The following NCLN variants were observed in gnomAD, a reference collection of about 807,000 sequenced individuals.
NCLN encodes BOS complex subunit NCLN.
In NCLN, 34 loss-of-function variants were observed where a neutral mutation model predicts 69.5. That is an observed-to-expected ratio of 0.49 (90% CI 0.37 to 0.65). The LOEUF (loss-of-function observed/expected upper bound fraction) is 0.65. NCLN is among the 30% of genes least tolerant of loss of function. The pLI is 0.00. For synonymous variants in NCLN, 393 were observed against 358.3 expected, an observed-to-expected ratio of 1.10 and a Z score of -1.09; for missense variants, 710 against 804.8, an observed-to-expected ratio of 0.88 and a Z score of 1.42.
intron 4 of NCLN, among the ~76,000 whole-genome samples, chr19:3,198,022 A>C (rs1224942620): frequency 6.6e-6 from 1 of 152,230 alleles, no homozygotes; most frequent in Non-Finnish European, 1.5e-5. Flanking sequence ...CCCAAGGCTG[A>C]AAATATCCCC....
At chr19:3,187,740 A>G (rs567260663) in intron 1 of NCLN, among the ~76,000 whole-genome samples, 14 of 152,232 alleles carry the variant, frequency 9.2e-5, no homozygotes, top group African/African-American at 3.4e-4. Context: ...ATCCGGCCCT[A>G]ATGTCCACAG....
Position 3,201,570 on chromosome 19 carries a change from G to T in NCLN, c.744G>T (p.Leu248=), listed in dbSNP as rs1402265181. 2.5e-6 allele frequency: 4 copies of T among 1,568,832 alleles called. No individual in the cohort carries two copies. In the South Asian group the frequency reaches 4.6e-5, roughly 18 times the overall value. The change falls in exon 6 of 15, where the codon CTG becomes CTT. Residue 248 remains leucine (L), a synonymous_variant. Transcript: ENST00000246117. The part of the protein sequence containing the change: ...ADSNGSGVSV[L]LELARLFSRL... ...CCAACGGGAGCGGCGTCTCTGTGCT[G>T]CTGGAGCTGGCACGCCTCTTCTCCC...
intron 5 of NCLN, among the ~76,000 whole-genome samples, chr19:3,199,989 C>T (rs544760931): frequency 2.5e-4 from 38 of 152,192 alleles, no homozygotes; most frequent in East Asian, 1.9e-3. Context: ...CCTGAGCCAC[C>T]GCACCCAGTC....
intron 1 of NCLN, among the ~76,000 whole-genome samples, chr19:3,191,995 C>T (rs1915838461): frequency 6.6e-6 from 1 of 152,124 alleles, no homozygotes; most frequent in Admixed American, 6.6e-5. Flanking sequence ...TTGAGACCAG[C>T]CTGGCCAACA....
rs1320457050 is a variant in NCLN, at chr19:3,204,714, C to T, written c.1171C>T (p.His391Tyr). The stretch of plus-strand genomic sequence containing the variant: ...CTTCACGCTGTCCCACCTGGAGAGC[C>T]ACCGTGACGGCCAGCGCAGCAGCAT... ...PAFTLSHLES[H>Y]RDGQRSSIMD... The change falls in exon 9 of 15, where the codon CAC (histidine) becomes TAC (tyrosine). Residue 391 changes from histidine to tyrosine, a missense_variant. Physicochemically the swap from His to Tyr is moderately conservative, Grantham distance 83 (BLOSUM62 2). Coordinates refer to ENST00000246117, the MANE Select transcript of NCLN (RefSeq NM_020170.4). The T allele has an allele frequency of 6.3e-7, 1 of 1,585,440 alleles. No homozygotes were observed. The highest frequency in any genetic ancestry group is 8.6e-7 in the Non-Finnish European group (1 of 1,164,980).
At chr19:3,204,284 G>T in intron 8 of NCLN, 140 bp downstream of exon 8, 1 of 1,135,188 alleles carries the variant, frequency 8.8e-7, no homozygotes, top group Non-Finnish European at 1.2e-6. Flanking sequence ...GTCGGGCTGG[G>T]GTGTTCTGTC....
At chr19:3,203,312 A>G (rs1187775691) in intron 6 of NCLN, among the ~76,000 whole-genome samples, 2 of 151,912 alleles carry the variant, frequency 1.3e-5, no homozygotes, top group Non-Finnish European at 2.9e-5. Context: ...CCGTCCCAAA[A>G]GAAAAAAAAA....
At chr19:3,201,135 C>T (rs1229107783) in intron 5 of NCLN, among the ~76,000 whole-genome samples, 3 of 152,198 alleles carry the variant, frequency 2.0e-5, no homozygotes, top group East Asian at 1.9e-4. Flanking sequence ...GAGGGGACCC[C>T]GCACAGAGAC....
At chr19:3,188,410 C>T (rs943872499) in intron 1 of NCLN, among the ~76,000 whole-genome samples, 5 of 152,220 alleles carry the variant, frequency 3.3e-5, no homozygotes, top group Admixed American at 6.5e-5. Context: ...CACGGCCAGA[C>T]GGACGCCCTC....
At chr19:3,204,549 T>A (rs1916210979) in intron 8 of NCLN, 24 bp from the exon 9 acceptor site, 1 of 1,512,102 alleles carries the variant, frequency 6.6e-7, no homozygotes. Context: ...GCCTGCCCTC[T>A]GCTAATGGCG....
chr19:3,204,221 C>T, intron 8 of NCLN, 77 bp downstream of exon 8: 1 of 1,444,178 alleles, frequency 6.9e-7, no homozygotes, highest in African/African-American at 1.4e-5. Context: ...CATCCTGTCC[C>T]AGGGTGTCCT....
intron 8 of NCLN, 31 bp downstream of exon 8, chr19:3,204,175 G>A: frequency 6.7e-7 from 1 of 1,489,140 alleles, no homozygotes; most frequent in South Asian, 1.4e-5. Context: ...TGGGTCCGGA[G>A]CTCTGCGGAG....
rs763643069 is a variant in NCLN, at chr19:3,207,284, C to T, written c.1553+33C>T. ...GTGGCCAGCGGGACCTGGAGCCCTT[C>T]ACCCCCTACGGGTTACAGCCGAGGG... is the stretch of plus-strand genomic sequence containing the variant. On this transcript the variant is annotated intron_variant, in intron 13 of 14. Transcript: ENST00000246117. 1.1e-5 allele frequency: 17 copies of T among 1,613,332 alleles called. No individual in the cohort carries two copies. The South Asian group carries it at 1.4e-4, about 14-fold the overall frequency.
chr19:3,204,607 C>A lies in NCLN; in HGVS notation c.1064C>A (p.Ser355Tyr). The stretch of plus-strand genomic sequence containing the variant: ...CACCAGTTCCCTGAGGTACGGTTCT[C>A]CATGGTGCACAAGCGGATCAACCTG... Reference protein sequence around the residue: ...AAHQFPEVRFSMVHKRINLAE... With the variant: ...AAHQFPEVRFYMVHKRINLAE... Residue 355 changes from serine (S) to tyrosine (Y), a missense_variant, in exon 9 of 15, where the codon TCC becomes TAC. Ser to Tyr is a moderately radical substitution (Grantham distance 144). Transcript: ENST00000246117. 6.3e-7 allele frequency: 1 copy of A among 1,587,188 alleles called. No individual in the cohort carries two copies.
At chr19:3,189,586 T>C (rs914550270) in intron 1 of NCLN, among the ~76,000 whole-genome samples, 13 of 152,238 alleles carry the variant, frequency 8.5e-5, no homozygotes, top group Non-Finnish European at 1.3e-4. Context: ...CGCCAACTGG[T>C]GACTTCTCTC....
rs766746757 is a variant in NCLN at position 3,205,175 on chromosome 19, C to A, written c.1208+424C>A. Among the ~76,000 whole-genome samples the A allele has an allele frequency of 3.3e-5, 5 of 152,222 alleles. No individual in the cohort carries two copies. Among genetic ancestry groups the A allele is most frequent in the Non-Finnish European group, 7.3e-5 (5 of 68,036 alleles). On this transcript the variant is annotated intron_variant, in intron 9 of 14. Transcript: ENST00000246117. This position sits in a 1 kb window ranked among gnomAD's most constrained non-coding sequence, Gnocchi z 4.6. ...GCACTGTGTCTCTGGCTTCTTATGT[C>A]CTCTGACCCTGTGTCCTGCCCGTCT...
chr19:3,186,013 G>T lies in NCLN; in HGVS notation c.-18G>T, dbSNP rs774477306. 32 of 1,528,390 alleles carry T rather than the reference G, an allele frequency of 2.1e-5. No homozygotes were observed. Among genetic ancestry groups the T allele is most frequent in the Non-Finnish European group, 2.6e-5 (30 of 1,142,770 alleles). 94.7% of individuals were successfully genotyped at this position (1,528,390 alleles called of 1,614,324 possible). On this transcript the variant is annotated 5_prime_UTR_variant, in exon 1 of 15. Coordinates refer to ENST00000246117, the MANE Select transcript of NCLN (RefSeq NM_020170.4). ...CCCGTCCCAGCTGCCGCCCCGCGCG[G>T]CCCCGCCGCCGGCCAGGATGCTGGA...
chr19:3,202,358 G>A (rs570577443), intron 6 of NCLN, among the ~76,000 whole-genome samples: 7 of 152,232 alleles, frequency 4.6e-5, no homozygotes, highest in East Asian at 1.9e-4. Context: ...CTTCGTCCCC[G>A]TGGCCCTGTG....
chr19:3,193,247 A>G, intron 2 of NCLN, 37 bp from the exon 3 acceptor site: 1 of 1,480,028 alleles, frequency 6.8e-7, no homozygotes, highest in Non-Finnish European at 9.0e-7. Flanking sequence ...CACCCCCACC[A>G]GGCCAGCAGC....
Sources: allele counts gnomAD v4.1 joint callset (sites outside exome capture counted in the v4.1 genomes callset), GRCh38; gene constraint gnomAD v4.1.1; non-coding constraint Gnocchi (gnomAD v3.1); transcripts MANE v1.5; gene names NCBI Gene and HGNC (gene_info 2026-07-23, HGNC 2026-07-21).